Variants in PTPRG observed in about 807,000 individuals in gnomAD.
PTPRG encodes the protein protein tyrosine phosphatase receptor type G.
Under a neutral mutation model 165.3 loss-of-function variants are expected in PTPRG, and 102 were observed. That is an observed-to-expected ratio of 0.62 (90% CI 0.53 to 0.73). The LOEUF (loss-of-function observed/expected upper bound fraction) is 0.73. PTPRG is among the 30% of genes least tolerant of loss of function. The pLI, the probability that PTPRG is intolerant of heterozygous loss-of-function variation, is 0.00. For synonymous variants in PTPRG, 675 were observed against 669.5 expected, an observed-to-expected ratio of 1.01 and a Z score of -0.13; for missense variants, 1,866 against 1,861.4, an observed-to-expected ratio of 1.00 and a Z score of -0.05.
chr3:62,230,997 T>C (rs1174269943), intron 13 of PTPRG, among the ~76,000 whole-genome samples: 1 of 152,188 alleles, frequency 6.6e-6, no homozygotes, highest in Non-Finnish European at 1.5e-5. Flanking sequence ...TATGTAAAGA[T>C]GACTTAAAAG....
chr3:61,611,790 A>G (rs1327480295), intron 1 of PTPRG, among the ~76,000 whole-genome samples: 3 of 152,260 alleles, frequency 2.0e-5, no homozygotes, highest in Admixed American at 1.3e-4. Context: ...CTTTATTTAT[A>G]GACTCTGAAG....
chr3:61,888,359 G>A (rs60213221), intron 2 of PTPRG, among the ~76,000 whole-genome samples: 5,425 of 145,824 alleles, frequency 0.037, 354 homozygotes, highest in African/African-American at 0.14. Context: ...TTTGAGAGGG[G>A]CTCTTCCTCT....
rs573436263 is a variant in PTPRG, at chr3:61,964,804, G to C, written c.191-24821G>C. 3.7e-4 allele frequency among the ~76,000 whole-genome samples: 56 copies of C among 152,096 alleles called. 1 individual carries two copies. The highest frequency in any genetic ancestry group is 1.2e-3 in the African/African-American group (51 of 41,490). ...GGCCTTTTTGATGAGTCGCTGGGTA[G>C]TTCCAACCCACTCTATTGTCATTTG... On this transcript the variant is annotated intron_variant, in intron 2 of 29. Coordinates refer to ENST00000474889, the MANE Select transcript of PTPRG (RefSeq NM_002841.4).
intron 2 of PTPRG, among the ~76,000 whole-genome samples, chr3:61,920,372 T>G (rs1384851905): frequency 6.6e-6 from 1 of 152,186 alleles, no homozygotes; most frequent in South Asian, 2.1e-4. Flanking sequence ...GTTCTCCATT[T>G]TGAAGTAGAT....
At chr3:62,072,164 G>A (rs1005567057) in intron 4 of PTPRG, among the ~76,000 whole-genome samples, 2 of 152,282 alleles carry the variant, frequency 1.3e-5, no homozygotes, top group Admixed American at 1.3e-4. Context: ...TATCACACTA[G>A]TACCTTACAA....
At chr3:61,638,062 A>C (rs1291482352) in intron 1 of PTPRG, among the ~76,000 whole-genome samples, 2 of 152,214 alleles carry the variant, frequency 1.3e-5, no homozygotes, top group Non-Finnish European at 2.9e-5. Flanking sequence ...TTTAAAAAGG[A>C]GTCTGTTGTC....
chr3:61,697,662 C>G (rs956679466), intron 1 of PTPRG, among the ~76,000 whole-genome samples: 5 of 152,192 alleles, frequency 3.3e-5, no homozygotes, highest in African/African-American at 1.2e-4. Context: ...CATTCAGTTT[C>G]CAAAGAATCA....
chr3:62,284,092 C>G (rs1222469088), intron 28 of PTPRG, among the ~76,000 whole-genome samples: 1 of 152,010 alleles, frequency 6.6e-6, no homozygotes, highest in African/African-American at 2.4e-5. Flanking sequence ...GTTTTACCAG[C>G]TCTTATCATC....
intron 8 of PTPRG, among the ~76,000 whole-genome samples, chr3:62,189,120 C>T (rs983342249): frequency 1.3e-5 from 2 of 152,082 alleles, no homozygotes; most frequent in Non-Finnish European, 2.9e-5. Context: ...GTGGCATTTG[C>T]GCAGCGGACA....
At chr3:61,681,625 T>C (rs986095566) in intron 1 of PTPRG, among the ~76,000 whole-genome samples, 2 of 152,086 alleles carry the variant, frequency 1.3e-5, no homozygotes, top group African/African-American at 4.8e-5. Flanking sequence ...TTCTATGAAA[T>C]GTGGATTATA....
In PTPRG at chr3:62,296,060, T is replaced by C. The variant is rs1703052360; in HGVS notation, c.*2753T>C. 1 of 152,028 alleles carries C rather than the reference T, an allele frequency of 6.6e-6. No individual in the cohort carries two copies. The highest frequency in any genetic ancestry group is 2.4e-5 in the African/African-American group (1 of 41,404). The allele number at this position is 152,028 out of a possible 1,614,324, so 9.4% of individuals were successfully genotyped here. ...AGGTAAGCAAAATGCACACATCATA[T>C]AAAAATAAATTGCAATGATCAGACC... On this transcript the variant is annotated 3_prime_UTR_variant, in exon 30 of 30. Coordinates refer to ENST00000474889, the MANE Select transcript of PTPRG (RefSeq NM_002841.4).
chr3:62,050,716 C>A (rs1369217984), intron 4 of PTPRG, among the ~76,000 whole-genome samples: 1 of 152,104 alleles, frequency 6.6e-6, no homozygotes, highest in African/African-American at 2.4e-5. Context: ...CTGCAAAGTC[C>A]AGAGGTATCA....
chr3:62,154,067 CAAAGAATTGGACT>C (rs1470934155), intron 6 of PTPRG, among the ~76,000 whole-genome samples: 9 of 152,180 alleles, frequency 5.9e-5, no homozygotes, highest in African/African-American at 2.2e-4. Context: ...GCCCTAAAGT[CAAAGAATTGGACT>C]AAATCGATGG....
intron 28 of PTPRG, among the ~76,000 whole-genome samples, chr3:62,288,155 A>C (rs1026503771): frequency 2.0e-5 from 3 of 152,034 alleles, no homozygotes; most frequent in African/African-American, 4.8e-5. Context: ...AAAAAAAAAA[A>C]AACAGCCTGT....
intron 5 of PTPRG, among the ~76,000 whole-genome samples, chr3:62,084,675 G>A (rs562389832): frequency 5.9e-5 from 9 of 152,260 alleles, no homozygotes; most frequent in East Asian, 1.9e-4. Flanking sequence ...CAGGGCTGGC[G>A]AGGAAGCCTT....
At chr3:62,114,550 C>A (rs1702792146) in intron 5 of PTPRG, among the ~76,000 whole-genome samples, 1 of 152,152 alleles carries the variant, frequency 6.6e-6, no homozygotes, top group Non-Finnish European at 1.5e-5. Flanking sequence ...CAAAGTACTT[C>A]ATATACTTCA....
chr3:61,833,572 T>C (rs541111608), intron 2 of PTPRG, among the ~76,000 whole-genome samples: 7 of 152,104 alleles, frequency 4.6e-5, no homozygotes, highest in African/African-American at 7.2e-5. Context: ...CTTTTCTTTT[T>C]CTTTTTTTGG....
chr3:61,819,601 T>C lies in PTPRG; in HGVS notation c.190+70619T>C, dbSNP rs72880470. Among the ~76,000 whole-genome samples, 841 of 152,250 alleles carry C rather than the reference T, an allele frequency of 5.5e-3. 6 individuals are homozygous for C. Among genetic ancestry groups the C allele is most frequent in the African/African-American group, 0.02 (812 of 41,538 alleles). ...GGAGAATGCAGTACTACCTATAAGGTAGTTCTGCCAACAAAATAGGGAACT... is the reference window on the plus strand; with the variant it reads ...GGAGAATGCAGTACTACCTATAAGGCAGTTCTGCCAACAAAATAGGGAACT... On this transcript the variant is annotated intron_variant, in intron 2 of 29. Coordinates refer to ENST00000474889, the MANE Select transcript of PTPRG (RefSeq NM_002841.4).
At chr3:61,918,375 T>C (rs77890091) in intron 2 of PTPRG, among the ~76,000 whole-genome samples, 2,660 of 152,140 alleles carry the variant, frequency 0.017, 45 homozygotes, top group South Asian at 0.05. Context: ...TATATATATA[T>C]ACACACACAC....
Sources: gnomAD v4.1 joint callset for allele counts (sites outside exome capture counted in the v4.1 genomes callset) on GRCh38, gnomAD v4.1.1 for gene constraint, MANE v1.5 for transcripts, NCBI Gene and HGNC (gene_info 2026-07-23, HGNC 2026-07-21) for gene names.